The following DPP10 variants were observed in gnomAD, a reference collection of about 807,000 sequenced individuals.
DPP10 encodes the protein inactive dipeptidyl peptidase 10.
In DPP10, 33 loss-of-function variants were observed where a neutral mutation model predicts 120.9. The observed-to-expected ratio is 0.27, with a 90% confidence interval of 0.21 to 0.37. The LOEUF (loss-of-function observed/expected upper bound fraction) is 0.37, where lower values mean the gene tolerates loss of function less well. DPP10 is among the 10% of genes least tolerant of loss of function. The pLI, the probability that DPP10 is intolerant of heterozygous loss-of-function variation, is 1.00. For synonymous variants in DPP10, 337 were observed against 326.1 expected, an observed-to-expected ratio of 1.03 and a Z score of -0.36; for missense variants, 816 against 942.8, an observed-to-expected ratio of 0.87 and a Z score of 1.76.
intron 1 of DPP10, among the ~76,000 whole-genome samples, chr2:115,173,890 A>C (rs2053531257): frequency 6.6e-6 from 1 of 152,210 alleles, no homozygotes; most frequent in South Asian, 2.1e-4. Context: ...AAAATCATAC[A>C]ACTGATCAGT....
chr2:115,125,785 C>T (rs1007297517), intron 1 of DPP10, among the ~76,000 whole-genome samples: 3 of 151,846 alleles, frequency 2.0e-5, no homozygotes, highest in South Asian at 2.1e-4. Context: ...GGTTTCACCA[C>T]GTTAGCCAGG....
At chr2:114,685,920 T>A (rs1699334119) in intron 1 of DPP10, among the ~76,000 whole-genome samples, 1 of 152,014 alleles carries the variant, frequency 6.6e-6, no homozygotes, top group Admixed American at 6.6e-5. Context: ...TTCTAAGGCA[T>A]AAATATAGCC....
chr2:115,198,854 C>T (rs1342095207), intron 1 of DPP10, among the ~76,000 whole-genome samples: 1 of 152,062 alleles, frequency 6.6e-6, no homozygotes, highest in Non-Finnish European at 1.5e-5. Context: ...GAGTGCTTAC[C>T]ATCATTATTG....
At chr2:115,370,118 A>G (rs77411629) in intron 3 of DPP10, among the ~76,000 whole-genome samples, 4,713 of 152,156 alleles carry the variant, frequency 0.031, 236 homozygotes, top group African/African-American at 0.11. Flanking sequence ...TGGAATAAAC[A>G]AAAACATTGA....
intron 1 of DPP10, among the ~76,000 whole-genome samples, chr2:114,965,206 G>A (rs890923048): frequency 1.5e-4 from 23 of 151,868 alleles, no homozygotes; most frequent in African/African-American, 5.6e-4. Flanking sequence ...GCATGATCTC[G>A]GCTCACTGCA....
At chr2:115,369,356 C>T (rs1353598370) in intron 3 of DPP10, among the ~76,000 whole-genome samples, 1 of 152,030 alleles carries the variant, frequency 6.6e-6, no homozygotes, top group Non-Finnish European at 1.5e-5. Flanking sequence ...ATAAAAAAGG[C>T]ATCTGCTTTA....
chr2:115,373,831 C>A (rs1198357732), intron 3 of DPP10, among the ~76,000 whole-genome samples: 2 of 151,254 alleles, frequency 1.3e-5, no homozygotes, highest in Admixed American at 6.6e-5. Context: ...AGGAAACTTA[C>A]AATTCGGGCA....
intron 1 of DPP10, among the ~76,000 whole-genome samples, chr2:115,132,973 C>T (rs2050435964): frequency 6.6e-6 from 1 of 151,434 alleles, no homozygotes; most frequent in South Asian, 2.1e-4. Context: ...AAAACTACTT[C>T]TTCTGAAGGA....
chr2:114,455,155 A>AG (rs774764376), intron 1 of DPP10, among the ~76,000 whole-genome samples: 4,529 of 104,492 alleles, frequency 0.043, 77 homozygotes, highest in Middle Eastern at 0.093. Flanking sequence ...TTTTCTTTCT[A>AG]TTGTGTGTGT....
At chr2:114,511,888 G>A (rs576284883) in intron 1 of DPP10, among the ~76,000 whole-genome samples, 2 of 152,276 alleles carry the variant, frequency 1.3e-5, no homozygotes, top group East Asian at 1.9e-4. Context: ...GCTTCAAATT[G>A]CTTCTTGTCC....
intron 3 of DPP10, among the ~76,000 whole-genome samples, chr2:115,457,527 T>G (rs963293961): frequency 2.0e-5 from 3 of 152,124 alleles, no homozygotes; most frequent in African/African-American, 7.2e-5. Context: ...GCGAGAGATT[T>G]TAACAAATTT....
intron 1 of DPP10, among the ~76,000 whole-genome samples, chr2:114,578,117 C>T (rs373880142): frequency 2.0e-5 from 3 of 152,092 alleles, no homozygotes; most frequent in East Asian, 1.9e-4. Context: ...AATAGATCTA[C>T]GGTAGATAAC....
intron 1 of DPP10, among the ~76,000 whole-genome samples, chr2:114,924,876 G>T (rs1263640072): frequency 2.6e-5 from 4 of 152,128 alleles, no homozygotes; most frequent in Non-Finnish European, 5.9e-5. Flanking sequence ...ATTCAAAAGA[G>T]CAGTGCTTTT....
chr2:114,891,386 G>C (rs1692530192), intron 1 of DPP10, among the ~76,000 whole-genome samples: 1 of 152,210 alleles, frequency 6.6e-6, no homozygotes, highest in South Asian at 2.1e-4. Flanking sequence ...AATTCTGGCT[G>C]TCTTTAGCTC....
At chr2:114,693,057 G>A (rs554413332) in intron 1 of DPP10, among the ~76,000 whole-genome samples, 1 of 152,048 alleles carries the variant, frequency 6.6e-6, no homozygotes, top group African/African-American at 2.4e-5. Context: ...TCTTTTAATT[G>A]GGGCATTAAG....
At chr2:115,013,658 CAAAAAAAA>C (rs59313783) in intron 1 of DPP10, among the ~76,000 whole-genome samples, 3 of 58,414 alleles carry the variant, frequency 5.1e-5, no homozygotes, top group African/African-American at 1.7e-4. Context: ...AAATGGAAAG[CAAAAAAAA>C]AAAAAAAAAA....
chr2:114,988,836 G>A (rs1034017167), intron 1 of DPP10, among the ~76,000 whole-genome samples: 3 of 151,910 alleles, frequency 2.0e-5, no homozygotes, highest in Admixed American at 1.3e-4. Flanking sequence ...TTGCTAAACG[G>A]GTGAAATCAC....
chr2:114,852,219 A>G (rs1689002725), intron 1 of DPP10, among the ~76,000 whole-genome samples: 1 of 118,828 alleles, frequency 8.4e-6, no homozygotes, highest in Non-Finnish European at 1.6e-5. Context: ...TTACTGAACT[A>G]TTTACTCCTA....
At chr2:115,339,688 G>T (rs2063346000) in intron 2 of DPP10, among the ~76,000 whole-genome samples, 1 of 152,168 alleles carries the variant, frequency 6.6e-6, no homozygotes, top group South Asian at 2.1e-4. Context: ...GAATTATTCT[G>T]AGTGATAAAA....
Sources: allele counts gnomAD v4.1 joint callset (sites outside exome capture counted in the v4.1 genomes callset), GRCh38; gene constraint gnomAD v4.1.1; transcripts MANE v1.5; gene names NCBI Gene and HGNC (gene_info 2026-07-23, HGNC 2026-07-21).